Variants in IL1RAPL1 observed in about 807,000 individuals in gnomAD.
IL1RAPL1 encodes the protein interleukin-1 receptor accessory protein-like 1.
In IL1RAPL1, 3 loss-of-function variants were observed where a neutral mutation model predicts 48.4. The ratio of observed to expected loss-of-function variants is 0.06; its 90% CI spans 0.03 to 0.16. IL1RAPL1 has a LOEUF of 0.16. IL1RAPL1 is among the 10% of genes least tolerant of loss of function. The pLI is 1.00. For synonymous variants in IL1RAPL1, 185 were observed against 187.7 expected (o/e 0.99, Z 0.12); for missense variants, 349 against 530.6 (o/e 0.66, Z 3.36).
intron 2 of IL1RAPL1, among the ~76,000 whole-genome samples, chrX:29,063,350 A>G (rs12395139): frequency 0.24 from 26,839 of 110,404 alleles, 3,045 homozygotes; most frequent in African/African-American, 0.44. Flanking sequence ...CCTATTTTCT[A>G]TGTAGGTGTA....
chrX:28,819,821 A>T (rs1416273062), intron 2 of IL1RAPL1, among the ~76,000 whole-genome samples: 1 of 106,383 alleles, frequency 9.4e-6, no homozygotes, highest in African/African-American at 3.4e-5. Context: ...TATATGTAAC[A>T]TTAAGAATTG....
chrX:29,612,969 A>T (rs1275584689), intron 5 of IL1RAPL1, among the ~76,000 whole-genome samples: 1 of 112,208 alleles, frequency 8.9e-6, no homozygotes, highest in Non-Finnish European at 1.9e-5. Flanking sequence ...CCCTCTGGGA[A>T]TGCACATTCT....
intron 3 of IL1RAPL1, among the ~76,000 whole-genome samples, chrX:29,299,777 T>G (rs1932504482): frequency 1.8e-5 from 2 of 112,312 alleles, no homozygotes; most frequent in African/African-American, 6.5e-5. Context: ...TATATTCAAG[T>G]GATAACGGTT....
At chrX:29,482,151 A>T (rs1935048011) in intron 5 of IL1RAPL1, among the ~76,000 whole-genome samples, 1 of 112,170 alleles carries the variant, frequency 8.9e-6, no homozygotes, top group African/African-American at 3.2e-5. Flanking sequence ...ATCATTAACC[A>T]CTATGAACTT....
chrX:28,830,990 G>GTT (rs1218962414), intron 2 of IL1RAPL1, among the ~76,000 whole-genome samples: 54 of 24,571 alleles, frequency 2.2e-3, no homozygotes, highest in Admixed American at 0.017. Flanking sequence ...TTTGCCCAGG[G>GTT]TTTCTCTCTC....
At chrX:29,191,538 A>C (rs995603491) in intron 2 of IL1RAPL1, among the ~76,000 whole-genome samples, 3 of 111,874 alleles carry the variant, frequency 2.7e-5, no homozygotes, top group Non-Finnish European at 5.6e-5. Context: ...CAGTCAGAAA[A>C]GGAGATATTA....
intron 5 of IL1RAPL1, among the ~76,000 whole-genome samples, chrX:29,605,069 TAAACACAC>T (rs1338436761): frequency 1.8e-5 from 1 of 54,182 alleles, no homozygotes; most frequent in Admixed American, 2.8e-4. Context: ...TCCTAAGTCT[TAAACACAC>T]ACACACACAC....
At chrX:29,564,286 G>T (rs1459530511) in intron 5 of IL1RAPL1, among the ~76,000 whole-genome samples, 1 of 112,147 alleles carries the variant, frequency 8.9e-6, no homozygotes, top group Admixed American at 9.4e-5. Flanking sequence ...TAGCAAATAA[G>T]CATGATTATT....
intron 6 of IL1RAPL1, among the ~76,000 whole-genome samples, chrX:29,785,451 A>G (rs1010394088): frequency 8.9e-6 from 1 of 112,348 alleles, no homozygotes; most frequent in African/African-American, 3.2e-5. Context: ...TTTTTTAATA[A>G]AGTTTGATAG....
intron 5 of IL1RAPL1, among the ~76,000 whole-genome samples, chrX:29,552,498 T>A (rs1921849200): frequency 8.9e-6 from 1 of 111,748 alleles, no homozygotes; most frequent in African/African-American, 3.2e-5. Flanking sequence ...AAAATTATTT[T>A]TACTACTCTA....
chrX:29,023,955 A>G (rs941825863), intron 2 of IL1RAPL1, among the ~76,000 whole-genome samples: 1 of 111,954 alleles, frequency 8.9e-6, no homozygotes, highest in African/African-American at 3.2e-5. Flanking sequence ...TAACTGAGAA[A>G]ATAGTGAAAC....
chrX:28,978,429 T>C (rs759715178), intron 2 of IL1RAPL1, among the ~76,000 whole-genome samples: 1 of 111,645 alleles, frequency 9.0e-6, no homozygotes. Flanking sequence ...GAGAATAAAA[T>C]AGCCATTCAG....
chrX:29,490,214 T>TA lies in IL1RAPL1; in HGVS notation c.703+90906_703+90907insA, dbSNP rs1935140770. 8.1e-5 allele frequency among the ~76,000 whole-genome samples: 9 copies of TA among 110,489 alleles called. No homozygotes were observed. The East Asian group carries it at 1.1e-3, about 14-fold the overall frequency. On this transcript the variant is annotated intron_variant, in intron 5 of 10. Transcript: ENST00000378993. ...CAATATATTAAAATAAAATTAAAAT[T>TA]TAAAAAAAAAGCCATAAAAAGGTAA... is the stretch of plus-strand genomic sequence containing the variant.
At chrX:29,513,984 C>A (rs748684379) in intron 5 of IL1RAPL1, among the ~76,000 whole-genome samples, 5 of 111,379 alleles carry the variant, frequency 4.5e-5, no homozygotes, top group Non-Finnish European at 9.4e-5. Context: ...ATCTATCTTG[C>A]CTGGTTTGAT....
At chrX:29,420,472 C>T (rs1031224915) in intron 5 of IL1RAPL1, among the ~76,000 whole-genome samples, 1 of 111,953 alleles carries the variant, frequency 8.9e-6, no homozygotes, top group Non-Finnish European at 1.9e-5. Flanking sequence ...ATCAAAAACC[C>T]ATCTCTTCTG....
chrX:29,502,087 A>G (rs751839545), intron 5 of IL1RAPL1, among the ~76,000 whole-genome samples: 3 of 111,081 alleles, frequency 2.7e-5, no homozygotes, highest in Non-Finnish European at 5.7e-5. Flanking sequence ...CTTTGTAGCT[A>G]TTATAAATGA....
In IL1RAPL1 at chrX:28,799,446, T is replaced by A. The variant is rs185620843; in HGVS notation, c.82+10021T>A. Reference sequence around the variant, plus strand: ...GTGGTTGGGCCTCTGATTTGATAGATCTGTTCATTGTGGTGTCTTCTCTAC... The same window carrying A: ...GTGGTTGGGCCTCTGATTTGATAGAACTGTTCATTGTGGTGTCTTCTCTAC... On this transcript the variant is annotated intron_variant, in intron 2 of 10. Transcript: ENST00000378993. Among the ~76,000 whole-genome samples the A allele has an allele frequency of 2.0e-3, 223 of 112,771 alleles. 1 individual carries two copies. The highest frequency in any genetic ancestry group is 7.0e-3 in the African/African-American group (218 of 31,100).
At chrX:28,815,839 G>GTGTATA (rs1555926466) in intron 2 of IL1RAPL1, among the ~76,000 whole-genome samples, 3 of 29,106 alleles carry the variant, frequency 1.0e-4, no homozygotes, top group Non-Finnish European at 2.3e-4. Context: ...GTGTGTTTAT[G>GTGTATA]TATATATATA....
intron 6 of IL1RAPL1, among the ~76,000 whole-genome samples, chrX:29,750,483 G>C (rs1276982961): frequency 1.8e-5 from 2 of 111,151 alleles, no homozygotes; most frequent in African/African-American, 6.5e-5. Flanking sequence ...ATCATTTTTA[G>C]TCATTACAAA....
Sources: allele counts gnomAD v4.1 joint callset (sites outside exome capture counted in the v4.1 genomes callset), GRCh38; gene constraint gnomAD v4.1.1; transcripts MANE v1.5; gene names NCBI Gene and HGNC (gene_info 2026-07-23, HGNC 2026-07-21).